DDR2: variants seen among roughly 807,000 people sequenced by gnomAD.
The protein encoded by DDR2 is discoidin domain-containing receptor 2.
A neutral mutation model predicts 94.9 loss-of-function variants in DDR2; 27 were observed. The ratio of observed to expected loss-of-function variants is 0.28; its 90% CI spans 0.21 to 0.39. The LOEUF is 0.39. Ranked by LOEUF, DDR2 falls within the 10% of genes least tolerant of loss-of-function variation. DDR2 has a pLI of 1.00. For synonymous variants in DDR2, 382 were observed against 377.2 expected (o/e 1.01, Z -0.15); for missense variants, 783 against 1,076.0 (o/e 0.73, Z 3.81).
At chr1:162,712,439 G>A (rs1239762054) in intron 2 of DDR2, among the ~76,000 whole-genome samples, 1 of 151,852 alleles carries the variant, frequency 6.6e-6, no homozygotes, top group Non-Finnish European at 1.5e-5. Context: ...TCAGACTCTT[G>A]CTTTTTTCTT....
chr1:162,725,642 T>A (rs1661626740), intron 3 of DDR2, among the ~76,000 whole-genome samples: 1 of 152,154 alleles, frequency 6.6e-6, no homozygotes, highest in Non-Finnish European at 1.5e-5. Context: ...ATTACAGGCA[T>A]GAGCCACCAC....
intron 2 of DDR2, among the ~76,000 whole-genome samples, chr1:162,671,208 A>C (rs1658823183): frequency 6.6e-6 from 1 of 152,062 alleles, no homozygotes. Flanking sequence ...CACAGTAGAA[A>C]TGGCACCGGA....
At chr1:162,725,696 T>C (rs561565888) in intron 3 of DDR2, among the ~76,000 whole-genome samples, 1 of 152,300 alleles carries the variant, frequency 6.6e-6, no homozygotes, top group African/African-American at 2.4e-5. Context: ...TCTACTGCCT[T>C]TGGAGTGTGA....
chr1:162,762,717 G>T (rs758665878), intron 9 of DDR2, among the ~76,000 whole-genome samples: 1 of 152,030 alleles, frequency 6.6e-6, no homozygotes, highest in South Asian at 2.1e-4. Flanking sequence ...ACTTGATACC[G>T]TAGCAACCCT....
chr1:162,733,293 A>G (rs1325078175), intron 3 of DDR2, among the ~76,000 whole-genome samples: 3 of 152,200 alleles, frequency 2.0e-5, no homozygotes, highest in African/African-American at 7.2e-5. Flanking sequence ...AGTCTTGACT[A>G]TTGGCTGAGA....
At chr1:162,706,324 G>C (rs1404725737) in intron 2 of DDR2, among the ~76,000 whole-genome samples, 1 of 152,148 alleles carries the variant, frequency 6.6e-6, no homozygotes, top group African/African-American at 2.4e-5. Flanking sequence ...CTCAAGCCTA[G>C]CCAGGGAGAC....
chr1:162,684,899 C>T (rs900598684), intron 2 of DDR2, among the ~76,000 whole-genome samples: 4 of 151,252 alleles, frequency 2.6e-5, no homozygotes, highest in Admixed American at 6.6e-5. Flanking sequence ...TTATGTGATT[C>T]CTACCATGAA....
chr1:162,713,314 T>C (rs1661010820), intron 2 of DDR2, among the ~76,000 whole-genome samples: 1 of 152,212 alleles, frequency 6.6e-6, no homozygotes. Context: ...GAGATTCTGA[T>C]AGCCTGCTTC....
chr1:162,708,456 G>GA (rs1660753703), intron 2 of DDR2, among the ~76,000 whole-genome samples: 2 of 152,192 alleles, frequency 1.3e-5, no homozygotes, highest in African/African-American at 2.4e-5. Context: ...GGTCCTGGTG[G>GA]AAATGGCACA....
intron 2 of DDR2, among the ~76,000 whole-genome samples, chr1:162,665,970 T>C (rs1288548457): frequency 6.6e-6 from 1 of 152,214 alleles, no homozygotes; most frequent in African/African-American, 2.4e-5. Flanking sequence ...CAGAGCCCTT[T>C]TCTTCCTTCA....
intron 2 of DDR2, among the ~76,000 whole-genome samples, chr1:162,710,419 G>T (rs553367523): frequency 6.6e-6 from 1 of 152,248 alleles, no homozygotes; most frequent in African/African-American, 2.4e-5. Flanking sequence ...AAAGTTGAGA[G>T]TTAGGAAAAC....
At chr1:162,726,963 TA>T (rs1288440074) in intron 3 of DDR2, among the ~76,000 whole-genome samples, 3 of 151,300 alleles carry the variant, frequency 2.0e-5, no homozygotes, top group African/African-American at 7.3e-5. Flanking sequence ...GCGATATAAG[TA>T]TGTAAGAAAC....
chr1:162,783,465 T>A lies in DDR2; in HGVS notation c.*3219T>A, dbSNP rs1648013705. On this transcript the variant is annotated 3_prime_UTR_variant, in exon 18 of 18. Coordinates refer to ENST00000367921, the MANE Select transcript of DDR2 (RefSeq NM_006182.4). ...GGTCAGGGCTAGAAAGGAGGCTACA[T>A]AAAAAGGGGCAATGGAGAATGCACA... 1 of 151,824 alleles carries A rather than the reference T, an allele frequency of 6.6e-6. No homozygotes were observed. Among genetic ancestry groups the A allele is most frequent in the South Asian group, 2.1e-4 (1 of 4,806 alleles). 9.4% of individuals were successfully genotyped at this position (151,824 alleles called of 1,614,324 possible). A position where few individuals can be genotyped will look rare whatever the true frequency, so the allele number is the denominator to read the frequency against.
rs1647559816 is a variant in DDR2, at chr1:162,776,505, T to G, written c.2283+135T>G. Reference sequence around the variant, plus strand: ...GTATTTTCTCTGATTTGAAATTATTTTCTTTGTGTACTAATTCTTATTATT... The same window carrying G: ...GTATTTTCTCTGATTTGAAATTATTGTCTTTGTGTACTAATTCTTATTATT... On this transcript the variant is annotated intron_variant, in intron 16 of 17. Coordinates refer to ENST00000367921, the MANE Select transcript of DDR2 (RefSeq NM_006182.4). 3 of 788,824 alleles carry G rather than the reference T, an allele frequency of 3.8e-6. No homozygotes were observed. In the African/African-American group the frequency reaches 5.2e-5, roughly 14 times the overall value. 48.9% of individuals were successfully genotyped at this position (788,824 alleles called of 1,614,324 possible).
chr1:162,640,744 A>C (rs1657088357), intron 1 of DDR2, among the ~76,000 whole-genome samples: 1 of 152,196 alleles, frequency 6.6e-6, no homozygotes, highest in Admixed American at 6.5e-5. Flanking sequence ...GAAATGTTTC[A>C]AAATCTTGAA....
At chr1:162,751,062 A>T (rs900101070) in intron 3 of DDR2, among the ~76,000 whole-genome samples, 2 of 152,226 alleles carry the variant, frequency 1.3e-5, no homozygotes, top group Non-Finnish European at 2.9e-5. Context: ...AACCTAGGCA[A>T]TACCATTAAG....
At chr1:162,698,280 T>C (rs1031728849) in intron 2 of DDR2, among the ~76,000 whole-genome samples, 1 of 152,180 alleles carries the variant, frequency 6.6e-6, no homozygotes, top group East Asian at 1.9e-4. Flanking sequence ...TCTCAGAAGC[T>C]GTTCAGGTAG....
intron 7 of DDR2, among the ~76,000 whole-genome samples, chr1:162,756,114 C>T (rs563607761): frequency 2.0e-5 from 3 of 152,090 alleles, no homozygotes; most frequent in African/African-American, 7.2e-5. Flanking sequence ...AACAAAGGGC[C>T]AGAGAATTGA....
intron 4 of DDR2, among the ~76,000 whole-genome samples, chr1:162,753,821 A>C (rs1663330727): frequency 6.6e-6 from 1 of 152,124 alleles, no homozygotes; most frequent in Admixed American, 6.5e-5. Context: ...CTGGAATCTT[A>C]TTATTTTGTG....
Sources: allele counts gnomAD v4.1 joint callset (sites outside exome capture counted in the v4.1 genomes callset), GRCh38; gene constraint gnomAD v4.1.1; transcripts MANE v1.5; gene names NCBI Gene and HGNC (gene_info 2026-07-23, HGNC 2026-07-21).